The following DIS3L2 variants were observed in gnomAD, a reference collection of about 807,000 sequenced individuals.
The protein encoded by DIS3L2 is DIS3 like 3'-5' exoribonuclease 2.
A neutral mutation model predicts 97.5 loss-of-function variants in DIS3L2; 34 were observed. The observed-to-expected ratio is 0.35, with a 90% CI of 0.27 to 0.46. The LOEUF is 0.46. Among genes scored for constraint, DIS3L2 ranks in the 20% least tolerant of loss-of-function variants. DIS3L2 has a pLI of 1.00. For missense variants in DIS3L2, 1,038 were observed against 1,146.0 expected, an observed-to-expected ratio of 0.91 and a Z score of 1.36; for synonymous variants, 435 against 445.2, an observed-to-expected ratio of 0.98 and a Z score of 0.29.
intron 10 of DIS3L2, among the ~76,000 whole-genome samples, chr2:232,234,075 G>A (rs1280914899): frequency 6.6e-6 from 1 of 152,122 alleles, no homozygotes; most frequent in Non-Finnish European, 1.5e-5. Context: ...TGAAAAATTG[G>A]GTTGTATCAT....
At chr2:232,054,018 A>G (rs74500410) in intron 5 of DIS3L2, among the ~76,000 whole-genome samples, 15,205 of 152,196 alleles carry the variant, frequency 0.1, 851 homozygotes, top group African/African-American at 0.16. Context: ...TCATTAGCAT[A>G]AACTGAGGTA....
chr2:231,971,473 A>C (rs1426924837), intron 1 of DIS3L2, among the ~76,000 whole-genome samples: 7 of 149,508 alleles, frequency 4.7e-5, no homozygotes, highest in Non-Finnish European at 8.9e-5. Context: ...TTTTGAACGG[A>C]GTCTCGCACT....
intron 5 of DIS3L2, among the ~76,000 whole-genome samples, chr2:232,073,017 G>T (rs916623716): frequency 6.6e-6 from 1 of 152,066 alleles, no homozygotes; most frequent in African/African-American, 2.4e-5. Flanking sequence ...CAACAAATAC[G>T]CCCTTGAAAA....
At chr2:232,220,238 G>A (rs1213278655) in intron 10 of DIS3L2, among the ~76,000 whole-genome samples, 3 of 152,120 alleles carry the variant, frequency 2.0e-5, no homozygotes, top group Non-Finnish European at 4.4e-5. Flanking sequence ...GAGCCTGGGG[G>A]TTCAAGCCTG....
At chr2:232,018,838 A>G (rs2106226053) in intron 3 of DIS3L2, among the ~76,000 whole-genome samples, 1 of 152,308 alleles carries the variant, frequency 6.6e-6, no homozygotes, top group South Asian at 2.1e-4. Context: ...TTGAAATGGC[A>G]ATAACAGTAA....
At chr2:232,144,434 A>G (rs557507236) in intron 8 of DIS3L2, among the ~76,000 whole-genome samples, 46 of 152,210 alleles carry the variant, frequency 3.0e-4, no homozygotes, top group Non-Finnish European at 5.6e-4. Context: ...ACTCATGGTC[A>G]TGTTTCCTCT....
At chr2:232,086,635 A>ACATATATGTG (rs1559613423) in intron 5 of DIS3L2, among the ~76,000 whole-genome samples, 17 of 53,334 alleles carry the variant, frequency 3.2e-4, no homozygotes, top group African/African-American at 1.5e-3. Context: ...ATATACACAT[A>ACATATATGTG]TATATATATG....
chr2:232,099,536 T>C (rs1470189152), intron 6 of DIS3L2, among the ~76,000 whole-genome samples: 3 of 152,204 alleles, frequency 2.0e-5, no homozygotes, highest in African/African-American at 4.8e-5. Flanking sequence ...TTATGTGTCA[T>C]GTTAAAATGG....
At chr2:231,993,879 GA>G (rs1213559263) in intron 1 of DIS3L2, among the ~76,000 whole-genome samples, 1 of 150,650 alleles carries the variant, frequency 6.6e-6, no homozygotes, top group Non-Finnish European at 1.5e-5. Flanking sequence ...TTCTAGAAAT[GA>G]AAAAAATAAC....
intron 1 of DIS3L2, among the ~76,000 whole-genome samples, chr2:231,983,140 T>C (rs1290359190): frequency 6.6e-6 from 1 of 152,266 alleles, no homozygotes; most frequent in African/African-American, 2.4e-5. Flanking sequence ...GGAAAAGTTA[T>C]TTGAGATCAT....
At chr2:232,289,276 G>A (rs1469350717) in intron 13 of DIS3L2, among the ~76,000 whole-genome samples, 1 of 151,460 alleles carries the variant, frequency 6.6e-6, no homozygotes, top group Non-Finnish European at 1.5e-5. Flanking sequence ...ACTTGTCCAG[G>A]CCTTGCCCAG....
chr2:232,051,055 G>A (rs1292737269), intron 5 of DIS3L2, among the ~76,000 whole-genome samples: 5 of 152,204 alleles, frequency 3.3e-5, no homozygotes, highest in Admixed American at 2.0e-4. Context: ...AGGAAGAGAC[G>A]CATGCATTCC....
intron 14 of DIS3L2, among the ~76,000 whole-genome samples, chr2:232,323,821 T>C (rs1695502870): frequency 6.6e-6 from 1 of 151,960 alleles, no homozygotes; most frequent in African/African-American, 2.4e-5. Flanking sequence ...TGGGGGTCCA[T>C]CAGTCAAGCA....
At chr2:232,278,567 G>T (rs1694205608) in intron 13 of DIS3L2, among the ~76,000 whole-genome samples, 1 of 152,132 alleles carries the variant, frequency 6.6e-6, no homozygotes, top group African/African-American at 2.4e-5. Flanking sequence ...CATTCCGTTG[G>T]TAGCATTTTA....
chr2:232,039,725 A>G (rs1051138197), intron 5 of DIS3L2, among the ~76,000 whole-genome samples: 1 of 152,206 alleles, frequency 6.6e-6, no homozygotes, highest in African/African-American at 2.4e-5. Context: ...TCCTTTGTCA[A>G]TTGGAATATT....
At chr2:232,317,280 C>T (rs913172603) in intron 14 of DIS3L2, among the ~76,000 whole-genome samples, 1 of 152,110 alleles carries the variant, frequency 6.6e-6, no homozygotes, top group Non-Finnish European at 1.5e-5. Context: ...ATTCCCTGTG[C>T]CCAAGAGCAA....
chr2:232,031,510 T>TA (rs1396102543), intron 5 of DIS3L2, among the ~76,000 whole-genome samples: 5 of 151,614 alleles, frequency 3.3e-5, no homozygotes, highest in Admixed American at 1.3e-4. Flanking sequence ...TTTTTTTTTT[T>TA]TATATTATAC....
intron 1 of DIS3L2, among the ~76,000 whole-genome samples, chr2:232,009,634 G>A (rs907009242): frequency 6.6e-6 from 1 of 152,200 alleles, no homozygotes; most frequent in Non-Finnish European, 1.5e-5. Context: ...AGTTCAGAAA[G>A]TCTGCCTGGG....
intron 1 of DIS3L2, among the ~76,000 whole-genome samples, chr2:231,989,729 G>A (rs1233273733): frequency 2.0e-5 from 3 of 152,078 alleles, no homozygotes; most frequent in Non-Finnish European, 4.4e-5. Flanking sequence ...CCAGCTACTC[G>A]GGAGCTGAAG....
Sources: allele counts gnomAD v4.1 joint callset (sites outside exome capture counted in the v4.1 genomes callset), GRCh38; gene constraint gnomAD v4.1.1; transcripts MANE v1.5; gene names NCBI Gene and HGNC (gene_info 2026-07-23, HGNC 2026-07-21).